Variants in HSPA14 observed in about 807,000 individuals in gnomAD.
The protein encoded by HSPA14 is heat shock 70 kDa protein 14.
HSPA14 carries 37 observed loss-of-function variants against 65.5 expected under a neutral mutation model. The observed-to-expected ratio is 0.56, with a 90% CI of 0.43 to 0.74. The LOEUF (loss-of-function observed/expected upper bound fraction) is 0.74, where lower values mean the gene tolerates loss of function less well. Ranked by LOEUF, HSPA14 falls within the 30% of genes least tolerant of loss-of-function variation. HSPA14 has a pLI of 0.00. For missense variants in HSPA14, 564 were observed against 607.6 expected (o/e 0.93, Z 0.75); for synonymous variants, 203 against 214.2 (o/e 0.95, Z 0.46).
At chr10:14,845,601 T>TTA in intron 3 of HSPA14, 1 of 858,944 alleles carries the variant, frequency 1.2e-6, no homozygotes, top group South Asian at 5.3e-5. Flanking sequence ...TATTATTATT[T>TTA]TTTTTTTTTT....
rs367953408 is a variant in HSPA14, at chr10:14,846,431, G to A, written c.222-2178G>A. Reference sequence around the variant, plus strand: ...AATGGGTAAAGTAACCCTAATGTGGGAATAAAAGTCAAGGGAAAGGTCTTG... The same window carrying A: ...AATGGGTAAAGTAACCCTAATGTGGAAATAAAAGTCAAGGGAAAGGTCTTG... On this transcript the variant is annotated intron_variant, in intron 3 of 13. Coordinates refer to ENST00000378372, the MANE Select transcript of HSPA14 (RefSeq NM_016299.4). 1.1e-5 allele frequency: 11 copies of A among 985,216 alleles called. No homozygotes were observed. In the South Asian group the frequency reaches 4.7e-4, roughly 42 times the overall value. 61.0% of individuals were successfully genotyped at this position (985,216 alleles called of 1,614,324 possible). A position where few individuals can be genotyped will look rare whatever the true frequency, so the allele number is the denominator to read the frequency against.
At chr10:14,849,947 C>A (rs1040417609) in intron 6 of HSPA14, 136 bp downstream of exon 6, 3 of 599,530 alleles carry the variant, frequency 5.0e-6, no homozygotes, top group Admixed American at 3.3e-5. Context: ...AGGTAATGAT[C>A]ATTTTTATAT....
chr10:14,843,484 C>G, intron 3 of HSPA14: 3 of 1,550,608 alleles, frequency 1.9e-6, no homozygotes, highest in Non-Finnish European at 2.6e-6. Context: ...GGAGCCCAGC[C>G]CCTGCACCAG....
At chr10:14,871,269 T>G (rs1273335738) in intron 13 of HSPA14, among the ~76,000 whole-genome samples, 3 of 152,220 alleles carry the variant, frequency 2.0e-5, no homozygotes, top group Non-Finnish European at 2.9e-5. Context: ...AAGATGTTTG[T>G]CATCATGGGT....
At chr10:14,844,468 C>A in intron 3 of HSPA14, 1 of 991,196 alleles carries the variant, frequency 1.0e-6, no homozygotes, top group Non-Finnish European at 1.2e-6. Flanking sequence ...TTTTTAAAAT[C>A]CCTGTGTGGC....
chr10:14,868,312 G>A (rs754004328), intron 12 of HSPA14, among the ~76,000 whole-genome samples: 2 of 152,104 alleles, frequency 1.3e-5, no homozygotes, highest in African/African-American at 4.8e-5. Context: ...TTCTCCTCAC[G>A]TTGGTTTCAT....
intron 8 of HSPA14, 59 bp downstream of exon 8, chr10:14,852,590 A>AT (rs757162032): frequency 2.7e-5 from 36 of 1,352,464 alleles, no homozygotes; most frequent in Non-Finnish European, 3.2e-5. Flanking sequence ...ACATATTTTA[A>AT]TTTTTTTTCC....
chr10:14,869,263 GTA>G (rs1266008251), intron 12 of HSPA14, among the ~76,000 whole-genome samples: 11 of 143,618 alleles, frequency 7.7e-5, no homozygotes, highest in African/African-American at 2.9e-4. Context: ...GTGTGTGTGT[GTA>G]AAGAGATACA....
chr10:14,845,389 G>C (rs747558781), intron 3 of HSPA14: 272 of 985,328 alleles, frequency 2.8e-4, no homozygotes, highest in Non-Finnish European at 3.2e-4. Flanking sequence ...GCTGGAAATG[G>C]ACATAGGTGG....
At chr10:14,850,998 G>A (rs1190339639) in intron 6 of HSPA14, 3 of 377,590 alleles carry the variant, frequency 7.9e-6, no homozygotes, top group Non-Finnish European at 1.4e-5. Flanking sequence ...CTTTCTTTGT[G>A]AAGAATATGG....
At position 14,842,883 on chromosome 10, in the gene HSPA14, G is replaced by C; in HGVS notation, c.221+2726G>C. ...GCATGTGAAGGAGTTGGGTCCCAGA[G>C]TCTTGTGGCTCTAAACATTTAGCTG... On this transcript the variant is annotated intron_variant, in intron 3 of 13. Transcript: ENST00000378372. The surrounding 1 kb of genome is among the most constrained non-coding windows in gnomAD (Gnocchi z 5.2). 1 of 1,378,484 alleles carries C rather than the reference G, an allele frequency of 7.3e-7. No individual in the cohort carries two copies. The highest frequency in any genetic ancestry group is 1.4e-5 in the African/African-American group (1 of 69,158). The allele number at this position is 1,378,484 out of a possible 1,614,324, so 85.4% of individuals were successfully genotyped here. A position where few individuals can be genotyped will look rare whatever the true frequency, so the allele number is the denominator to read the frequency against.
Position 14,849,720 on chromosome 10 carries a change from G to A in HSPA14, c.377-1G>A. 6.3e-7 allele frequency: 1 copy of A among 1,595,594 alleles called. No individual in the cohort carries two copies. Among genetic ancestry groups the A allele is most frequent in the Non-Finnish European group, 8.5e-7 (1 of 1,172,138 alleles). On this transcript the variant is annotated splice_acceptor_variant, in intron 5 of 13. Coordinates refer to ENST00000378372, the MANE Select transcript of HSPA14 (RefSeq NM_016299.4). LOFTEE classifies it high-confidence loss of function. Reference sequence around the variant, plus strand: ...AGAATTTTATATTTTTTAATATGCAGAAACGGCACATTCTGTATTGGGCTC... The same window carrying A: ...AGAATTTTATATTTTTTAATATGCAAAAACGGCACATTCTGTATTGGGCTC...
At chr10:14,864,547 G>T (rs1832788350) in intron 10 of HSPA14, among the ~76,000 whole-genome samples, 1 of 145,280 alleles carries the variant, frequency 6.9e-6, no homozygotes. Flanking sequence ...TGTTCTCATT[G>T]TTCAGTTCCC....
chr10:14,844,519 A>T (rs918796486), intron 3 of HSPA14: 2 of 987,240 alleles, frequency 2.0e-6, no homozygotes, highest in African/African-American at 3.5e-5. Flanking sequence ...TTGTACCTTA[A>T]TCTCTTACAT....
intron 9 of HSPA14, 48 bp downstream of exon 9, chr10:14,854,328 T>G (rs755987384): frequency 1.4e-6 from 2 of 1,434,602 alleles, no homozygotes; most frequent in South Asian, 2.6e-5. Context: ...CAAGAACATG[T>G]TTGTTTAGGT....
intron 1 of HSPA14, among the ~76,000 whole-genome samples, chr10:14,839,055 T>C (rs1444802042): frequency 1.3e-5 from 2 of 152,166 alleles, no homozygotes; most frequent in Admixed American, 6.5e-5. Context: ...CTGGGGCTGA[T>C]GGTCCCGCAA....
intron 8 of HSPA14, among the ~76,000 whole-genome samples, chr10:14,852,883 A>G (rs745619404): frequency 2.6e-5 from 4 of 152,198 alleles, no homozygotes; most frequent in African/African-American, 4.8e-5. Flanking sequence ...AGTTTTTAAA[A>G]GTTTGGCTCT....
At chr10:14,870,022 A>G (rs999747870) in intron 12 of HSPA14, among the ~76,000 whole-genome samples, 1 of 152,236 alleles carries the variant, frequency 6.6e-6, no homozygotes, top group Non-Finnish European at 1.5e-5. Context: ...AGAGTTTGGC[A>G]AAGCCTAAAG....
chr10:14,863,587 CCTT>C (rs1042091718), intron 10 of HSPA14, among the ~76,000 whole-genome samples: 1 of 152,184 alleles, frequency 6.6e-6, no homozygotes, highest in African/African-American at 2.4e-5. Context: ...TCCCCACCTC[CCTT>C]CTTCTTGTGT....
Sources: gnomAD v4.1 joint callset for allele counts (sites outside exome capture counted in the v4.1 genomes callset) on GRCh38, gnomAD v4.1.1 for gene constraint, Gnocchi (gnomAD v3.1) non-coding constraint, MANE v1.5 for transcripts, NCBI Gene and HGNC (gene_info 2026-07-23, HGNC 2026-07-21) for gene names.